Variants in SGCZ observed in about 807,000 individuals in gnomAD.
The protein encoded by SGCZ is sarcoglycan zeta.
Under a neutral mutation model 41.3 loss-of-function variants are expected in SGCZ, and 40 were observed. That is an observed-to-expected ratio of 0.97 (90% CI 0.75 to 1.26). The LOEUF (loss-of-function observed/expected upper bound fraction) is 1.26. Among genes scored for constraint, SGCZ ranks in the 50% most tolerant of loss-of-function variants. SGCZ has a pLI of 0.00. For synonymous variants in SGCZ, 206 were observed against 137.5 expected, an observed-to-expected ratio of 1.50 and a Z score of -3.49; for missense variants, 552 against 369.8, an observed-to-expected ratio of 1.49 and a Z score of -4.04.
chr8:15,027,725 A>G (rs918324230), intron 1 of SGCZ, among the ~76,000 whole-genome samples: 1 of 152,070 alleles, frequency 6.6e-6, no homozygotes, highest in South Asian at 2.1e-4. Context: ...TAACAAATCA[A>G]CATTCCTCAT....
rs891582308 is a variant in SGCZ, at chr8:14,721,015, T to C, written c.40-166089A>G. 5.3e-5 allele frequency among the ~76,000 whole-genome samples: 8 copies of C among 150,982 alleles called. No individual in the cohort carries two copies. In the South Asian group the frequency reaches 8.6e-4, roughly 16 times the overall value. On this transcript the variant is annotated intron_variant, in intron 1 of 7. Coordinates refer to ENST00000382080, the MANE Select transcript of SGCZ (RefSeq NM_139167.4). Reference sequence around the variant, plus strand: ...TGACCTGTATCAGCAGCATTTAACATAGCAGACCATTTTCTCCTTAATGCA... The same window carrying C: ...TGACCTGTATCAGCAGCATTTAACACAGCAGACCATTTTCTCCTTAATGCA...
chr8:14,503,763 T>A (rs1302998525), intron 2 of SGCZ, among the ~76,000 whole-genome samples: 2 of 152,134 alleles, frequency 1.3e-5, no homozygotes, highest in Non-Finnish European at 2.9e-5. Flanking sequence ...CAAGACTCCA[T>A]CTAAAAAACA....
At chr8:14,898,246 G>A (rs538425685) in intron 1 of SGCZ, among the ~76,000 whole-genome samples, 48 of 152,152 alleles carry the variant, frequency 3.2e-4, no homozygotes, top group Non-Finnish European at 4.9e-4. Flanking sequence ...CACCATATGC[G>A]GCCAGAAGCA....
At chr8:15,081,505 T>TTC (rs1805745924) in intron 1 of SGCZ, among the ~76,000 whole-genome samples, 2 of 152,032 alleles carry the variant, frequency 1.3e-5, no homozygotes, top group South Asian at 4.2e-4. Context: ...TTTTTTTTTT[T>TTC]TTACCCTCAA....
chr8:15,007,098 A>T (rs921527416), intron 1 of SGCZ, among the ~76,000 whole-genome samples: 2 of 152,238 alleles, frequency 1.3e-5, no homozygotes, highest in East Asian at 3.8e-4. Flanking sequence ...GAGTGAAAAC[A>T]TTCCAGCCTA....
chr8:14,697,738 T>C (rs894012678), intron 1 of SGCZ, among the ~76,000 whole-genome samples: 1 of 152,038 alleles, frequency 6.6e-6, no homozygotes, highest in Non-Finnish European at 1.5e-5. Flanking sequence ...AAACTCTGGA[T>C]AACAGAATAT....
At chr8:15,057,322 C>G (rs557696460) in intron 1 of SGCZ, among the ~76,000 whole-genome samples, 1 of 152,140 alleles carries the variant, frequency 6.6e-6, no homozygotes, top group Non-Finnish European at 1.5e-5. Context: ...TTCAGGGACT[C>G]CCTACTTGGT....
chr8:14,114,102 G>A (rs1295243778), intron 5 of SGCZ, among the ~76,000 whole-genome samples: 2 of 151,872 alleles, frequency 1.3e-5, no homozygotes, highest in Non-Finnish European at 2.9e-5. Flanking sequence ...AGTAACTTAC[G>A]ACTTTCTTGA....
intron 1 of SGCZ, among the ~76,000 whole-genome samples, chr8:15,058,430 A>G (rs1295888228): frequency 6.6e-6 from 1 of 152,174 alleles, no homozygotes; most frequent in Non-Finnish European, 1.5e-5. Flanking sequence ...AACCAAGGTG[A>G]ATATACTACT....
intron 2 of SGCZ, among the ~76,000 whole-genome samples, chr8:14,377,400 C>T (rs980700475): frequency 2.6e-5 from 4 of 152,086 alleles, no homozygotes; most frequent in African/African-American, 9.7e-5. Context: ...AATTTATAAT[C>T]AACTGGTAAT....
chr8:14,437,445 C>A lies in SGCZ; in HGVS notation c.235-113241G>T, dbSNP rs944941752. Among the ~76,000 whole-genome samples, 3 of 152,180 alleles carry A rather than the reference C, an allele frequency of 2.0e-5. No individual in the cohort carries two copies. The South Asian group carries it at 6.2e-4, about 32-fold the overall frequency. On this transcript the variant is annotated intron_variant, in intron 2 of 7. Transcript: ENST00000382080. ...ATTGCAATAGAAACAAATGTGTCAT[C>A]TATTAAGCATACATTAAAGAAATCT...
chr8:15,188,308 G>A (rs926420370), intron 1 of SGCZ, among the ~76,000 whole-genome samples: 8 of 152,062 alleles, frequency 5.3e-5, no homozygotes, highest in African/African-American at 1.9e-4. Context: ...AACTGAATTA[G>A]CTCCTAGAAC....
At chr8:15,214,933 G>A (rs1162367486) in intron 1 of SGCZ, among the ~76,000 whole-genome samples, 2 of 152,144 alleles carry the variant, frequency 1.3e-5, no homozygotes, top group East Asian at 1.9e-4. Context: ...ATGAGACTGT[G>A]ATGAAAACTA....
rs1375942240 is a variant in SGCZ, at chr8:15,012,452, G to A, written c.39+225133C>T. Among the ~76,000 whole-genome samples, 9 of 145,654 alleles carry A rather than the reference G, an allele frequency of 6.2e-5. No individual in the cohort carries two copies. The East Asian group carries it at 1.8e-3, about 29-fold the overall frequency. On this transcript the variant is annotated intron_variant, in intron 1 of 7. Transcript: ENST00000382080. Reference sequence around the variant, plus strand: ...CACTCCAGCCTGGGTGACACAGTAAGACTTTTTCTAAAAAATAAATATAAA... The same window carrying A: ...CACTCCAGCCTGGGTGACACAGTAAAACTTTTTCTAAAAAATAAATATAAA...
intron 1 of SGCZ, among the ~76,000 whole-genome samples, chr8:14,778,098 T>TG (rs1227213548): frequency 6.6e-6 from 1 of 152,038 alleles, no homozygotes; most frequent in Non-Finnish European, 1.5e-5. Context: ...TAATAATTTT[T>TG]TTTTGTTTTT....
chr8:14,899,671 T>A (rs1798893473), intron 1 of SGCZ, among the ~76,000 whole-genome samples: 1 of 152,020 alleles, frequency 6.6e-6, no homozygotes, highest in South Asian at 2.1e-4. Flanking sequence ...GTTTAAGTAA[T>A]ACAATCAGGT....
intron 2 of SGCZ, among the ~76,000 whole-genome samples, chr8:14,483,153 C>T (rs771629650): frequency 6.6e-6 from 1 of 152,152 alleles, no homozygotes; most frequent in Non-Finnish European, 1.5e-5. Context: ...AGGCTTCCCT[C>T]AATAGCCTGA....
At chr8:14,780,685 T>C (rs1337444524) in intron 1 of SGCZ, among the ~76,000 whole-genome samples, 1 of 152,146 alleles carries the variant, frequency 6.6e-6, no homozygotes, top group Admixed American at 6.5e-5. Context: ...ATTTAAGCTA[T>C]TAAAAAAAAT....
At position 14,706,208 on chromosome 8, in the gene SGCZ, T is replaced by TA. The variant is rs554488568; in HGVS notation, c.40-151283dup. Among the ~76,000 whole-genome samples, 83 of 151,844 alleles carry TA rather than the reference T, an allele frequency of 5.5e-4. 1 individual carries two copies. Among genetic ancestry groups the TA allele is most frequent in the South Asian group, 2.3e-3 (11 of 4,818 alleles). On this transcript the variant is annotated intron_variant, in intron 1 of 7. Transcript: ENST00000382080. ...CATTTATCCTAAATGAGTTTTGAAT[T>TA]AAAAAAAATTAGATGAATCCACATC...
Sources: allele counts gnomAD v4.1 joint callset (sites outside exome capture counted in the v4.1 genomes callset), GRCh38; gene constraint gnomAD v4.1.1; transcripts MANE v1.5; gene names NCBI Gene and HGNC (gene_info 2026-07-23, HGNC 2026-07-21).